COL26A1: variants seen among roughly 807,000 people sequenced by gnomAD.
COL26A1 encodes collagen alpha-1(XXVI) chain.
In COL26A1, 41 loss-of-function variants were observed where a neutral mutation model predicts 59.3. The ratio of observed to expected loss-of-function variants is 0.69; its 90% CI spans 0.54 to 0.90. The LOEUF is 0.90. Among genes scored for constraint, COL26A1 ranks in the 40% least tolerant of loss-of-function variants. COL26A1 has a pLI of 0.00. For missense variants in COL26A1, 612 were observed against 602.3 expected, an observed-to-expected ratio of 1.02 and a Z score of -0.17; for synonymous variants, 266 against 256.0, an observed-to-expected ratio of 1.04 and a Z score of -0.37.
chr7:101,480,485 T>G (rs181554218), intron 3 of COL26A1, among the ~76,000 whole-genome samples: 1 of 152,268 alleles, frequency 6.6e-6, no homozygotes, highest in Non-Finnish European at 1.5e-5. Flanking sequence ...TCTTTCTGAT[T>G]GTTTTAATTT....
intron 3 of COL26A1, among the ~76,000 whole-genome samples, 179 bp downstream of exon 3, chr7:101,447,966 C>G (rs1793241649): frequency 6.6e-6 from 1 of 152,208 alleles, no homozygotes; most frequent in South Asian, 2.1e-4. Flanking sequence ...CAGGATGAAG[C>G]TGCCCGCCCT....
chr7:101,473,719 A>T (rs1793965847), intron 3 of COL26A1, among the ~76,000 whole-genome samples: 1 of 148,786 alleles, frequency 6.7e-6, no homozygotes, highest in South Asian at 2.1e-4. Context: ...CAGGTGTGGT[A>T]GCTCATGCCT....
chr7:101,547,843 T>G (rs574531653), intron 8 of COL26A1, among the ~76,000 whole-genome samples: 7 of 150,758 alleles, frequency 4.6e-5, no homozygotes, highest in African/African-American at 1.7e-4. Context: ...ATTCATTCAT[T>G]CATTCATTTC....
chr7:101,502,681 G>A (rs1459165865), intron 3 of COL26A1, among the ~76,000 whole-genome samples: 1 of 152,238 alleles, frequency 6.6e-6, no homozygotes, highest in Admixed American at 6.5e-5. Flanking sequence ...GCCTGGGAGG[G>A]TGGCTGGATT....
intron 3 of COL26A1, among the ~76,000 whole-genome samples, chr7:101,500,303 C>G (rs1794675859): frequency 6.6e-6 from 1 of 152,212 alleles, no homozygotes; most frequent in Non-Finnish European, 1.5e-5. Context: ...CTCTGGGCTA[C>G]AAGGCTCATA....
chr7:101,448,921 C>T (rs1263521346), intron 3 of COL26A1, among the ~76,000 whole-genome samples: 1 of 152,256 alleles, frequency 6.6e-6, no homozygotes, highest in Non-Finnish European at 1.5e-5. Context: ...TGAGTGTAAA[C>T]TGTCTAAAGA....
rs775308010 is a variant in COL26A1 at position 101,544,012 on chromosome 7, A to T, written c.619A>T (p.Thr207Ser). Reference protein sequence around the residue: ...PTGPAGPPGQTGPPGPAGPPG... With the variant: ...PTGPAGPPGQSGPPGPAGPPG... The stretch of plus-strand genomic sequence containing the variant: ...TCTCTCCCCAGGGCCCCCGGGGCAG[A>T]CAGGACCACCAGGGCCTGCAGGCCC... The change falls in exon 6 of 13, where the codon ACA becomes TCA. Residue 207 changes from threonine to serine, a missense_variant. By Grantham distance (58) the Thr-to-Ser change is moderately conservative. Coordinates refer to ENST00000313669, the MANE Select transcript of COL26A1 (RefSeq NM_001278563.3). 1.8e-5 allele frequency: 28 copies of T among 1,582,798 alleles called. No homozygotes were observed. Among genetic ancestry groups the T allele is most frequent in the Non-Finnish European group, 2.3e-5 (27 of 1,165,086 alleles).
chr7:101,365,589 G>A (rs13243416), intron 1 of COL26A1, among the ~76,000 whole-genome samples: 87,973 of 151,662 alleles, frequency 0.58, 27,080 homozygotes, highest in African/African-American at 0.8. Flanking sequence ...ACTGCGCCTG[G>A]CTAATTTTTG....
At chr7:101,408,178 T>G (rs1384411007) in intron 1 of COL26A1, among the ~76,000 whole-genome samples, 9 of 152,190 alleles carry the variant, frequency 5.9e-5, no homozygotes, top group Non-Finnish European at 1.5e-5. Context: ...AGCCAGAGTC[T>G]AACATGGAGG....
chr7:101,473,637 CACACACACACACACACAA>C (rs1446172566), intron 3 of COL26A1, among the ~76,000 whole-genome samples: 44 of 102,764 alleles, frequency 4.3e-4, no homozygotes, highest in African/African-American at 1.3e-3. Flanking sequence ...CACACACACA[CACACACACACACACACAA>C]ACACACACAA....
intron 1 of COL26A1, among the ~76,000 whole-genome samples, chr7:101,398,487 C>T (rs148554837): frequency 7.6e-4 from 116 of 152,292 alleles, no homozygotes; most frequent in African/African-American, 2.6e-3. Flanking sequence ...CGCTTATGGA[C>T]GGAATCCTGA....
At chr7:101,447,384 C>T (rs1793224345) in intron 2 of COL26A1, among the ~76,000 whole-genome samples, 1 of 152,182 alleles carries the variant, frequency 6.6e-6, no homozygotes, top group South Asian at 2.1e-4. Context: ...AAACCATAAA[C>T]TAAATTTCTT....
chr7:101,539,424 G>C (rs952184171), intron 4 of COL26A1, among the ~76,000 whole-genome samples: 1 of 151,692 alleles, frequency 6.6e-6, no homozygotes, highest in African/African-American at 2.4e-5. Context: ...ACTCACTGTA[G>C]CCTTGAACTC....
intron 9 of COL26A1, among the ~76,000 whole-genome samples, chr7:101,550,642 G>A (rs190688201): frequency 1.8e-4 from 26 of 147,494 alleles, no homozygotes; most frequent in Non-Finnish European, 4.4e-5. Flanking sequence ...GCTTCGGGAT[G>A]GGGGGCACCA....
At chr7:101,440,188 A>G (rs2130353124) in intron 2 of COL26A1, among the ~76,000 whole-genome samples, 1 of 152,162 alleles carries the variant, frequency 6.6e-6, no homozygotes, top group African/African-American at 2.4e-5. Context: ...CAACATGGTG[A>G]AACCCCATTT....
chr7:101,523,276 C>T (rs1408859006), intron 3 of COL26A1, among the ~76,000 whole-genome samples: 1 of 152,068 alleles, frequency 6.6e-6, no homozygotes, highest in Non-Finnish European at 1.5e-5. Context: ...ACTATGTTGG[C>T]CAGGCTGGTC....
rs1040182546 is a variant in COL26A1 at position 101,438,087 on chromosome 7, C to A, written c.282-9597C>A. 3.3e-5 allele frequency among the ~76,000 whole-genome samples: 5 copies of A among 151,426 alleles called. No individual in the cohort carries two copies. The East Asian group carries it at 9.7e-4, about 29-fold the overall frequency. ...TTTAAAAACGTCACTTGGAGCTGGG[C>A]GAGGTGGCTCATGCCTGTAATCCTA... On this transcript the variant is annotated intron_variant, in intron 2 of 12. Transcript: ENST00000313669.
Position 101,553,343 on chromosome 7 carries a change from G to T in COL26A1, c.1047G>T (p.Lys349Asn), listed in dbSNP as rs1213474715. 4.3e-6 allele frequency: 7 copies of T among 1,613,796 alleles called. No individual in the cohort carries two copies. Among genetic ancestry groups the T allele is most frequent in the Non-Finnish European group, 4.2e-6 (5 of 1,179,776 alleles). ...TVGPSGEPGV[K>N]GEEGEKAATA... ...CTTCTTAGGGTGAACCTGGCGTGAA[G>T]GGGGAAGAAGGAGAGAAAGCCGCCA... Residue 349 changes from lysine (K) to asparagine (N), a missense_variant, in exon 11 of 13, where the codon AAG (lysine) becomes AAT (asparagine). Lys to Asn is a moderately conservative substitution (Grantham distance 94). Coordinates refer to ENST00000313669, the MANE Select transcript of COL26A1 (RefSeq NM_001278563.3).
intron 1 of COL26A1, among the ~76,000 whole-genome samples, chr7:101,417,653 CA>C (rs1792407736): frequency 2.7e-5 from 1 of 37,648 alleles, no homozygotes; most frequent in Non-Finnish European, 1.2e-4. Context: ...TATATCTAGA[CA>C]TAGATATAGA....
Sources: allele counts gnomAD v4.1 joint callset (sites outside exome capture counted in the v4.1 genomes callset), GRCh38; gene constraint gnomAD v4.1.1; transcripts MANE v1.5; gene names NCBI Gene and HGNC (gene_info 2026-07-23, HGNC 2026-07-21).